The following PPP1R3A variants were observed in gnomAD, a reference collection of about 807,000 sequenced individuals.
PPP1R3A encodes RG1.
A neutral mutation model predicts 41.7 loss-of-function variants in PPP1R3A; 29 were observed. That is an observed-to-expected ratio of 0.70 (90% CI 0.52 to 0.95). The LOEUF (loss-of-function observed/expected upper bound fraction) is 0.95. PPP1R3A is among the 40% of genes least tolerant of loss of function. PPP1R3A has a pLI of 0.00. For synonymous variants in PPP1R3A, 485 were observed against 453.4 expected, an observed-to-expected ratio of 1.07 and a Z score of -0.89; for missense variants, 1,352 against 1,292.4, an observed-to-expected ratio of 1.05 and a Z score of -0.71.
In PPP1R3A at chr7:113,878,996, G is replaced by T. The variant is rs201725524; in HGVS notation, c.2096C>A (p.Thr699Lys). Residue 699 changes from threonine to lysine, a missense_variant, in exon 4 of 4, where the codon ACA becomes AAA. Coordinates refer to ENST00000284601, the MANE Select transcript of PPP1R3A (RefSeq NM_002711.4). The stretch of plus-strand genomic sequence containing the variant: ...TTCTTGGCAGGTAAACAATTCTTCT[G>T]TAGTAGCTTTCAAACTCCTCGTATT... ...RDNTRSLKAT[T>K]EELFTCQETV... 6.8e-5 allele frequency: 109 copies of T among 1,613,320 alleles called. No homozygotes were observed. The highest frequency in any genetic ancestry group is 9.0e-5 in the Non-Finnish European group (106 of 1,179,800).
At chr7:113,909,848 T>A (rs548467118) in intron 1 of PPP1R3A, among the ~76,000 whole-genome samples, 2 of 152,178 alleles carry the variant, frequency 1.3e-5, no homozygotes, top group South Asian at 4.1e-4. Context: ...ATTAAAGTCA[T>A]GGAACTTTTC....
rs780229727 is a variant in PPP1R3A at position 113,918,342 on chromosome 7, A to G, written c.655T>C (p.Trp219Arg). The change falls in exon 1 of 4, where the codon TGG (tryptophan) becomes CGG (arginine). Residue 219 changes from tryptophan (W) to arginine (R), a missense_variant. Coordinates refer to ENST00000284601, the MANE Select transcript of PPP1R3A (RefSeq NM_002711.4). ...IRYETSVGTF[W>R]SNNNGTNYTF... ...TAATTTGTGCCATTATTATTTGACC[A>G]AAATGTACCAACAGAAGTTTCATAA... is the stretch of plus-strand genomic sequence containing the variant. The G allele has an allele frequency of 3.7e-6, 6 of 1,613,308 alleles. No individual in the cohort carries two copies. The highest frequency in any genetic ancestry group is 5.1e-6 in the Non-Finnish European group (6 of 1,179,528).
At chr7:113,897,195 A>T (rs1253414424) in intron 1 of PPP1R3A, among the ~76,000 whole-genome samples, 1 of 151,948 alleles carries the variant, frequency 6.6e-6, no homozygotes, top group Admixed American at 6.6e-5. Context: ...TAAACTCCAT[A>T]TATCCTAAGC....
intron 1 of PPP1R3A, among the ~76,000 whole-genome samples, chr7:113,886,035 T>A (rs1321052950): frequency 6.6e-6 from 1 of 151,530 alleles, no homozygotes; most frequent in Admixed American, 6.6e-5. Context: ...TTGGAACGGT[T>A]CATTTAATAT....
intron 1 of PPP1R3A, among the ~76,000 whole-genome samples, chr7:113,913,288 A>G (rs1045003031): frequency 2.6e-4 from 39 of 152,164 alleles, no homozygotes; most frequent in Middle Eastern, 3.4e-3. Context: ...AAGTCTCACA[A>G]TCCAACAGCT....
Position 113,877,783 on chromosome 7 carries a change from C to A in PPP1R3A, c.3309G>T (p.Leu1103Phe). The change falls in exon 4 of 4, where the codon TTG (leucine) becomes TTT (phenylalanine). Residue 1103 changes from leucine (L) to phenylalanine (F), a missense_variant. Leu to Phe is a conservative substitution (Grantham distance 22). Coordinates refer to ENST00000284601, the MANE Select transcript of PPP1R3A (RefSeq NM_002711.4). ...DLMIGLTFYV[L>F]SLSWLSWEEG... The stretch of plus-strand genomic sequence containing the variant: ...CTTCCCAGGATAGCCAGGACAATGA[C>A]AAAACGTAGAATGTCAAGCCAATCA... 1 of 1,602,624 alleles carries A rather than the reference C, an allele frequency of 6.2e-7. No homozygotes were observed. Among genetic ancestry groups the A allele is most frequent in the South Asian group, 1.1e-5 (1 of 89,414 alleles).
chr7:113,902,681 A>G (rs1048822890), intron 1 of PPP1R3A, among the ~76,000 whole-genome samples: 2 of 151,842 alleles, frequency 1.3e-5, no homozygotes, highest in African/African-American at 4.8e-5. Context: ...GTCTCTGATC[A>G]ATTGTTACCT....
chr7:113,912,236 T>A (rs1280273232), intron 1 of PPP1R3A, among the ~76,000 whole-genome samples: 3 of 152,116 alleles, frequency 2.0e-5, no homozygotes, highest in Non-Finnish European at 4.4e-5. Context: ...TATTCTGTAG[T>A]GCTCTCTGCT....
chr7:113,912,149 A>G (rs1055811407), intron 1 of PPP1R3A, among the ~76,000 whole-genome samples: 4 of 152,080 alleles, frequency 2.6e-5, no homozygotes, highest in Non-Finnish European at 4.4e-5. Context: ...TCCATCCTCC[A>G]TATACACATG....
chr7:113,881,136 C>T (rs1796686458), intron 3 of PPP1R3A, among the ~76,000 whole-genome samples: 1 of 152,020 alleles, frequency 6.6e-6, no homozygotes, highest in African/African-American at 2.4e-5. Flanking sequence ...CAATGGGTGA[C>T]AACTTTGTAG....
rs1311985666 is a variant in PPP1R3A, at chr7:113,877,433, G to T, written c.*290C>A. On this transcript the variant is annotated 3_prime_UTR_variant, in exon 4 of 4. Transcript: ENST00000284601. ...GAAATAGCACTTTAAGTAGTGAAGA[G>T]ATGTGAAGCATTGCAACTTCATAGC... is the stretch of plus-strand genomic sequence containing the variant. 3.3e-5 allele frequency: 9 copies of T among 275,560 alleles called. No homozygotes were observed. Among genetic ancestry groups the T allele is most frequent in the Non-Finnish European group, 6.8e-6 (1 of 147,420 alleles). The allele number at this position is 275,560 out of a possible 1,614,324, so 17.1% of individuals were successfully genotyped here. A position where few individuals can be genotyped will look rare whatever the true frequency, so the allele number is the denominator to read the frequency against.
chr7:113,890,371 A>G (rs1435433984), intron 1 of PPP1R3A, among the ~76,000 whole-genome samples: 1 of 152,070 alleles, frequency 6.6e-6, no homozygotes, highest in East Asian at 1.9e-4. Context: ...GCTGAAGTGC[A>G]CTAAAATTGG....
intron 1 of PPP1R3A, among the ~76,000 whole-genome samples, chr7:113,893,068 G>A (rs936328775): frequency 2.6e-5 from 4 of 151,830 alleles, no homozygotes; most frequent in Non-Finnish European, 4.4e-5. Context: ...TCCTTGCTGC[G>A]GTCATATTGA....
Position 113,918,744 on chromosome 7 carries a change from A to G in PPP1R3A, c.253T>C (p.Leu85=). The change falls in exon 1 of 4, where the codon TTA becomes CTA. Residue 85 remains leucine, a synonymous_variant. Coordinates refer to ENST00000284601, the MANE Select transcript of PPP1R3A (RefSeq NM_002711.4). The part of the protein sequence containing the change: ...VSVKEFDCWE[L]PSASTTFDLG... Reference sequence around the variant, plus strand: ...TCAAAAGTGGTTGAAGCACTCGGTAATTCCCAGCAATCAAATTCTTTAACA... The same window carrying G: ...TCAAAAGTGGTTGAAGCACTCGGTAGTTCCCAGCAATCAAATTCTTTAACA... 1 of 1,613,918 alleles carries G rather than the reference A, an allele frequency of 6.2e-7. No individual in the cohort carries two copies. The highest frequency in any genetic ancestry group is 8.5e-7 in the Non-Finnish European group (1 of 1,179,870).
rs761193955 is a variant in PPP1R3A, at chr7:113,880,130, T to C, written c.967-5A>G. The C allele has an allele frequency of 3.2e-6, 5 of 1,582,388 alleles. No individual in the cohort carries two copies. In the South Asian group the frequency reaches 3.3e-5, roughly 11 times the overall value. On this transcript the variant is annotated splice_region_variant and splice_polypyrimidine_tract_variant and intron_variant, in intron 3 of 3. Coordinates refer to ENST00000284601, the MANE Select transcript of PPP1R3A (RefSeq NM_002711.4). Reference sequence around the variant, plus strand: ...TCTTATTAAGTGTTGATTTATCTTATGGGATAAAAACAACAAAGAAATAAT... The same window carrying C: ...TCTTATTAAGTGTTGATTTATCTTACGGGATAAAAACAACAAAGAAATAAT...
Position 113,878,655 on chromosome 7 carries a change from G to T in PPP1R3A, c.2437C>A (p.Arg813Ser). 3 of 1,613,076 alleles carry T rather than the reference G, an allele frequency of 1.9e-6. No homozygotes were observed. The highest frequency in any genetic ancestry group is 1.1e-5 in the South Asian group (1 of 91,060). ...TCTTCCTTCTCCATTTCATCTACACGTACATTACAAATACCTAAACGTGAT... is the reference window on the plus strand; with the variant it reads ...TCTTCCTTCTCCATTTCATCTACACTTACATTACAAATACCTAAACGTGAT... ...KESRLGICNVRVDEMEKEETM... is the reference protein window; with the variant it reads ...KESRLGICNVSVDEMEKEETM... Residue 813 changes from arginine to serine, a missense_variant, in exon 4 of 4, where the codon CGT (arginine) becomes AGT (serine). By Grantham distance (110) the Arg-to-Ser change is moderately radical (BLOSUM62 -1). Transcript: ENST00000284601.
chr7:113,894,578 T>C (rs1484536930), intron 1 of PPP1R3A, among the ~76,000 whole-genome samples: 1 of 151,972 alleles, frequency 6.6e-6, no homozygotes, highest in East Asian at 1.9e-4. Flanking sequence ...GCTGACAGCT[T>C]TATACTACCT....
At chr7:113,889,201 T>A (rs565808703) in intron 1 of PPP1R3A, among the ~76,000 whole-genome samples, 1 of 152,276 alleles carries the variant, frequency 6.6e-6, no homozygotes, top group East Asian at 1.9e-4. Context: ...CCTCCTTAGA[T>A]GATAGACAGG....
chr7:113,899,983 C>T (rs772927660), intron 1 of PPP1R3A, among the ~76,000 whole-genome samples: 49 of 151,732 alleles, frequency 3.2e-4, no homozygotes, highest in Non-Finnish European at 6.3e-4. Flanking sequence ...ATATGGATTG[C>T]TCTTCTGCTA....
Sources: gnomAD v4.1 joint callset for allele counts (sites outside exome capture counted in the v4.1 genomes callset) on GRCh38, gnomAD v4.1.1 for gene constraint, MANE v1.5 for transcripts, NCBI Gene and HGNC (gene_info 2026-07-23, HGNC 2026-07-21) for gene names.